The following EXOC6B variants were observed in gnomAD, a reference collection of about 807,000 sequenced individuals.
EXOC6B encodes exocyst complex component 6B.
EXOC6B carries 54 observed loss-of-function variants against 113.5 expected under a neutral mutation model. That is an observed-to-expected ratio of 0.48 (90% CI 0.38 to 0.60). The LOEUF (loss-of-function observed/expected upper bound fraction) is 0.60, where lower values mean the gene tolerates loss of function less well. Among genes scored for constraint, EXOC6B ranks in the 20% least tolerant of loss-of-function variants. The pLI is 0.00. For missense variants in EXOC6B, 797 were observed against 977.5 expected (o/e 0.82, Z 2.46); for synonymous variants, 357 against 339.0 (o/e 1.05, Z -0.58).
At chr2:72,598,994 T>C (rs1670234778) in intron 6 of EXOC6B, among the ~76,000 whole-genome samples, 1 of 152,096 alleles carries the variant, frequency 6.6e-6, no homozygotes. Flanking sequence ...TATTGAATTC[T>C]CTACAATCTC....
rs1294750155 is a variant in EXOC6B at position 72,424,368 on chromosome 2, T to TACAC, written c.1980+40791_1980+40792insGTGT. Among the ~76,000 whole-genome samples the TACAC allele has an allele frequency of 2.2e-4, 33 of 152,274 alleles. No homozygotes were observed. In the South Asian group the frequency reaches 4.3e-3, roughly 20 times the overall value. ...TTCATTTAACCCACATTTTCAAATT[T>TACAC]TAGTACATATAAGACTTGTGTAAAA... is the stretch of plus-strand genomic sequence containing the variant. On this transcript the variant is annotated intron_variant, in intron 18 of 21. Coordinates refer to ENST00000272427, the MANE Select transcript of EXOC6B (RefSeq NM_015189.3).
chr2:72,558,631 T>C (rs1703709376), intron 8 of EXOC6B, among the ~76,000 whole-genome samples: 1 of 152,070 alleles, frequency 6.6e-6, no homozygotes, highest in Non-Finnish European at 1.5e-5. Context: ...TAGCTGAGCG[T>C]GGTGGCACAT....
chr2:72,291,165 G>A (rs923168287), intron 20 of EXOC6B, among the ~76,000 whole-genome samples: 1 of 152,102 alleles, frequency 6.6e-6, no homozygotes, highest in African/African-American at 2.4e-5. Context: ...CAATTTGACC[G>A]AGGATATATT....
chr2:72,758,113 T>C (rs1190130920), intron 1 of EXOC6B, among the ~76,000 whole-genome samples: 4 of 145,796 alleles, frequency 2.7e-5, no homozygotes, highest in Non-Finnish European at 1.5e-5. Context: ...CAGTGAGCCA[T>C]GTTTGCACCA....
chr2:72,663,001 G>A lies in EXOC6B; in HGVS notation c.669+55102C>T, dbSNP rs560008213. ...CCCAAAGTGCTGGGATTACAGGCAT[G>A]AGCCACCCCACCCGGCCTAGCCATT... On this transcript the variant is annotated intron_variant, in intron 6 of 21. Transcript: ENST00000272427. 3.3e-5 allele frequency among the ~76,000 whole-genome samples: 5 copies of A among 152,222 alleles called. No individual in the cohort carries two copies. In the East Asian group the frequency reaches 9.6e-4, roughly 29 times the overall value.
intron 20 of EXOC6B, among the ~76,000 whole-genome samples, chr2:72,278,955 G>C (rs952125063): frequency 3.9e-5 from 6 of 152,262 alleles, no homozygotes; most frequent in South Asian, 4.1e-4. Context: ...TGTGGGATGA[G>C]TGTGGAAAAA....
At chr2:72,203,607 T>C (rs1043671655) in intron 20 of EXOC6B, among the ~76,000 whole-genome samples, 8 of 152,200 alleles carry the variant, frequency 5.3e-5, no homozygotes, top group Non-Finnish European at 1.2e-4. Context: ...CTATATTCCC[T>C]GAATGAGCCT....
intron 6 of EXOC6B, among the ~76,000 whole-genome samples, chr2:72,606,563 T>C (rs1348484003): frequency 6.6e-6 from 1 of 151,490 alleles, no homozygotes; most frequent in Non-Finnish European, 1.5e-5. Flanking sequence ...ACCCTTTCTC[T>C]ACAAATAAAT....
intron 11 of EXOC6B, among the ~76,000 whole-genome samples, chr2:72,501,308 G>C (rs1336040020): frequency 6.6e-6 from 1 of 152,030 alleles, no homozygotes. Context: ...GTTGTTTAAA[G>C]AGCCTGGCAA....
chr2:72,267,964 C>A lies in EXOC6B; in HGVS notation c.2196+66983G>T, dbSNP rs193166938. Among the ~76,000 whole-genome samples the A allele has an allele frequency of 4.7e-4, 71 of 152,228 alleles. 2 individuals carry two copies. In the East Asian group the frequency reaches 0.012, roughly 26 times the overall value. The stretch of plus-strand genomic sequence containing the variant: ...TCATATATATGCACAAGGAAACAAA[C>A]ATAAGTATGTTCCATGAAGTACTAT... On this transcript the variant is annotated intron_variant, in intron 20 of 21. Coordinates refer to ENST00000272427, the MANE Select transcript of EXOC6B (RefSeq NM_015189.3).
chr2:72,515,773 A>G (rs555163443), intron 8 of EXOC6B: 17 of 976,750 alleles, frequency 1.7e-5, no homozygotes, highest in Non-Finnish European at 2.1e-5. Flanking sequence ...CTCCAAATTC[A>G]TGTCCTTCGT....
chr2:72,188,944 T>C (rs568589447), intron 20 of EXOC6B, among the ~76,000 whole-genome samples: 3 of 152,316 alleles, frequency 2.0e-5, no homozygotes, highest in African/African-American at 7.2e-5. Flanking sequence ...TGTACACATA[T>C]GCTATTTCTT....
At chr2:72,503,985 A>G (rs1235295434) in intron 11 of EXOC6B, among the ~76,000 whole-genome samples, 2 of 151,934 alleles carry the variant, frequency 1.3e-5, no homozygotes, top group East Asian at 3.9e-4. Context: ...GTGGCTCACT[A>G]CTGCCTCAGG....
intron 2 of EXOC6B, among the ~76,000 whole-genome samples, chr2:72,735,170 A>T (rs1407496349): frequency 6.6e-6 from 1 of 152,188 alleles, no homozygotes; most frequent in Non-Finnish European, 1.5e-5. Flanking sequence ...AGGTCTCCTA[A>T]AATACAACCC....
intron 14 of EXOC6B, 119 bp from the exon 15 acceptor site, chr2:72,495,658 A>G (rs142367832): frequency 0.012 from 7,215 of 615,748 alleles, 88 homozygotes; most frequent in Non-Finnish European, 0.011. Context: ...TCCTTAACAA[A>G]CTCAAATATA....
chr2:72,634,353 C>T (rs373010095), intron 6 of EXOC6B, among the ~76,000 whole-genome samples: 1 of 152,150 alleles, frequency 6.6e-6, no homozygotes, highest in African/African-American at 2.4e-5. Context: ...CTCCTCTTCC[C>T]GCTAAGTACA....
chr2:72,190,287 C>T (rs1381156223), intron 20 of EXOC6B, among the ~76,000 whole-genome samples: 7 of 152,128 alleles, frequency 4.6e-5, no homozygotes, highest in Admixed American at 2.0e-4. Flanking sequence ...ATACTCCTGC[C>T]CCAGAAAGTA....
chr2:72,648,371 G>A (rs1673898796), intron 6 of EXOC6B, among the ~76,000 whole-genome samples: 1 of 152,356 alleles, frequency 6.6e-6, no homozygotes, highest in Non-Finnish European at 1.5e-5. Context: ...AGACAGTGTG[G>A]CGATTCCTCA....
intron 18 of EXOC6B, among the ~76,000 whole-genome samples, chr2:72,459,760 C>T (rs1465647737): frequency 2.0e-5 from 3 of 152,026 alleles, no homozygotes; most frequent in African/African-American, 4.8e-5. Context: ...GAATGAATAT[C>T]GTGAAAATGG....
Sources: gnomAD v4.1 joint callset for allele counts (sites outside exome capture counted in the v4.1 genomes callset) on GRCh38, gnomAD v4.1.1 for gene constraint, MANE v1.5 for transcripts, NCBI Gene and HGNC (gene_info 2026-07-23, HGNC 2026-07-21) for gene names.